DOCK8: variants seen among roughly 807,000 people sequenced by gnomAD.
DOCK8 encodes the protein dedicator of cytokinesis protein 8.
In DOCK8, 141 loss-of-function variants were observed where a neutral mutation model predicts 245.6. That is an observed-to-expected ratio of 0.57 (90% CI 0.50 to 0.66). DOCK8 has a LOEUF of 0.66. Ranked by LOEUF, DOCK8 falls within the 30% of genes least tolerant of loss-of-function variation. DOCK8 has a pLI of 0.00. For missense variants in DOCK8, 2,965 were observed against 2,603.4 expected, an observed-to-expected ratio of 1.14 and a Z score of -3.02; for synonymous variants, 1,168 against 970.2, an observed-to-expected ratio of 1.20 and a Z score of -3.79.
chr9:425,346 C>T (rs1294275606), intron 33 of DOCK8, among the ~76,000 whole-genome samples: 4 of 151,986 alleles, frequency 2.6e-5, no homozygotes, highest in African/African-American at 4.8e-5. Flanking sequence ...TCCTGGCTAA[C>T]GCGGCGAAAC....
At chr9:392,805 C>G (rs73641542) in intron 24 of DOCK8, among the ~76,000 whole-genome samples, 2,410 of 152,140 alleles carry the variant, frequency 0.016, 56 homozygotes, top group African/African-American at 0.055. Flanking sequence ...CCTCTTGTTT[C>G]TTGAGGCATG....
At position 220,416 on chromosome 9, in the gene DOCK8, A is replaced by G. The variant is rs75701573; in HGVS notation, c.53+5387A>G. ...ACCAGTGGAAAGAAAACGTAGTAAC[A>G]TGTAGTTGCCCAGGGAAAGATGAAG... On this transcript the variant is annotated intron_variant, in intron 1 of 47. Coordinates refer to ENST00000432829, the MANE Select transcript of DOCK8 (RefSeq NM_203447.4). 6.9e-3 allele frequency among the ~76,000 whole-genome samples: 1,054 copies of G among 152,272 alleles called. 12 individuals are homozygous for G. The highest frequency in any genetic ancestry group is 0.024 in the African/African-American group (997 of 41,546).
rs779855884 is a variant in DOCK8, at chr9:463,560, G to C, written c.6112G>C (p.Asp2038His). 1.9e-6 allele frequency: 3 copies of C among 1,614,206 alleles called. No homozygotes were observed. Among genetic ancestry groups the C allele is most frequent in the Non-Finnish European group, 2.5e-6 (3 of 1,180,048 alleles). ...VEKNKRLITA[D>H]QREYQQELKK... Reference sequence around the variant, plus strand: ...GAAAAACAAGCGTCTCATCACGGCAGACCAGAGGGAATATCAGCAGGAACT... The same window carrying C: ...GAAAAACAAGCGTCTCATCACGGCACACCAGAGGGAATATCAGCAGGAACT... The change falls in exon 47 of 48, where the codon GAC becomes CAC. Residue 2038 changes from aspartate (D) to histidine (H), a missense_variant. Coordinates refer to ENST00000432829, the MANE Select transcript of DOCK8 (RefSeq NM_203447.4).
At chr9:368,522 A>T in intron 15 of DOCK8, 1 of 536,740 alleles carries the variant, frequency 1.9e-6, no homozygotes, top group South Asian at 2.4e-5. Context: ...ATACACACAC[A>T]GTGTTACACA....
chr9:296,807 C>T (rs1304788950), intron 4 of DOCK8, among the ~76,000 whole-genome samples: 1 of 152,158 alleles, frequency 6.6e-6, no homozygotes, highest in Non-Finnish European at 1.5e-5. Flanking sequence ...CTGTGGATGT[C>T]ACAGAGCCAC....
chr9:328,868 A>G (rs2130831747), intron 9 of DOCK8, among the ~76,000 whole-genome samples: 1 of 152,132 alleles, frequency 6.6e-6, no homozygotes, highest in Middle Eastern at 3.4e-3. Flanking sequence ...CTGTACACCA[A>G]AATGACTGGT....
chr9:244,538 C>T (rs76632899), intron 1 of DOCK8, among the ~76,000 whole-genome samples: 164 of 152,264 alleles, frequency 1.1e-3, no homozygotes, highest in African/African-American at 3.9e-3. Flanking sequence ...TACTTAATGT[C>T]TCCCGCAACC....
At chr9:404,526 T>C (rs1307623861) in intron 26 of DOCK8, among the ~76,000 whole-genome samples, 5 of 152,192 alleles carry the variant, frequency 3.3e-5, no homozygotes, top group Non-Finnish European at 7.3e-5. Flanking sequence ...TTCTATTAGT[T>C]TCATACAGGC....
chr9:312,133 C>A lies in DOCK8; in HGVS notation c.708C>A (p.Ala236=). ...NEEARRTNRQ[A]ELFALYPSVD... is the part of the protein sequence containing the mutation. ...AGGCCCGGAGGACCAATAGGCAGGC[C>A]GAGCTCTTTGCCCTTTACCCATCAG... Residue 236 remains alanine, a synonymous_variant, in exon 6 of 48, where the codon GCC becomes GCA. Coordinates refer to ENST00000432829, the MANE Select transcript of DOCK8 (RefSeq NM_203447.4). 1.2e-6 allele frequency: 2 copies of A among 1,614,204 alleles called. No individual in the cohort carries two copies.
rs893745453 is a variant in DOCK8, at chr9:328,027, A to G, written c.900A>G (p.Ser300=). The G allele has an allele frequency of 3.1e-6, 5 of 1,613,796 alleles. No homozygotes were observed. Among genetic ancestry groups the G allele is most frequent in the Non-Finnish European group, 4.2e-6 (5 of 1,179,742 alleles). ...LYDVKERKKI[S]ENFHCDLNSD... is the part of the protein sequence containing the mutation. ...ACTTTGCTGCTCATTTACAGATCTC[A>G]GAAAATTTTCACTGTGACCTGAACT... The change falls in exon 9 of 48, where the codon TCA becomes TCG. Residue 300 remains serine, a synonymous_variant. Coordinates refer to ENST00000432829, the MANE Select transcript of DOCK8 (RefSeq NM_203447.4).
chr9:346,208 G>A (rs66808225), intron 14 of DOCK8, among the ~76,000 whole-genome samples: 21,438 of 152,114 alleles, frequency 0.14, 1,883 homozygotes, highest in Non-Finnish European at 0.2. Flanking sequence ...CAAGCTTGGC[G>A]TTCCTTGCTC....
chr9:460,721 T>A (rs1346264716), intron 46 of DOCK8, among the ~76,000 whole-genome samples: 1 of 152,270 alleles, frequency 6.6e-6, no homozygotes, highest in East Asian at 1.9e-4. Flanking sequence ...AATTCCATGA[T>A]GAAGCTGTGG....
chr9:313,690 A>C (rs999264256), intron 6 of DOCK8, among the ~76,000 whole-genome samples: 1 of 152,246 alleles, frequency 6.6e-6, no homozygotes, highest in South Asian at 2.1e-4. Context: ...CGCACTGCAC[A>C]GTGACCAGAG....
At chr9:305,273 A>C (rs926218974) in intron 5 of DOCK8, among the ~76,000 whole-genome samples, 2 of 151,712 alleles carry the variant, frequency 1.3e-5, no homozygotes, top group Non-Finnish European at 2.9e-5. Context: ...TGTTATTGTC[A>C]TTATTCTTTT....
intron 1 of DOCK8, among the ~76,000 whole-genome samples, chr9:250,380 C>T (rs1475500034): frequency 1.3e-5 from 2 of 152,134 alleles, no homozygotes; most frequent in African/African-American, 4.8e-5. Flanking sequence ...ATTGTCCCTT[C>T]AAGGAATGAA....
intron 15 of DOCK8, chr9:368,812 CTTTT>C (rs1410341408): frequency 9.5e-6 from 1 of 104,936 alleles, no homozygotes; most frequent in Non-Finnish European, 1.7e-5. Context: ...AACTTTCTTT[CTTTT>C]TTTCTTTTTT....
intron 1 of DOCK8, chr9:215,499 T>C (rs1587595285): frequency 7.0e-7 from 1 of 1,436,698 alleles, no homozygotes; most frequent in South Asian, 1.5e-5. Context: ...TCTGTCGTCC[T>C]GAGCAAGGCT....
At chr9:312,296 C>T (rs2050159645) in intron 6 of DOCK8, 130 bp downstream of exon 6, 3 of 1,127,036 alleles carry the variant, frequency 2.7e-6, no homozygotes, top group Non-Finnish European at 2.6e-6. Context: ...TTTCTGGGGC[C>T]TCGTTTTTCA....
intron 10 of DOCK8, among the ~76,000 whole-genome samples, chr9:333,398 G>A (rs536097812): frequency 1.5e-4 from 23 of 152,284 alleles, no homozygotes; most frequent in East Asian, 9.7e-4. Context: ...TCAGAAGATT[G>A]AGACCATCCT....
Sources: gnomAD v4.1 joint callset for allele counts (sites outside exome capture counted in the v4.1 genomes callset) on GRCh38, gnomAD v4.1.1 for gene constraint, MANE v1.5 for transcripts, NCBI Gene and HGNC (gene_info 2026-07-23, HGNC 2026-07-21) for gene names.